The following KCNK2 variants were observed in gnomAD, a reference collection of about 807,000 sequenced individuals.
KCNK2 encodes potassium two pore domain channel subfamily K member 2.
In KCNK2, 21 loss-of-function variants were observed where a neutral mutation model predicts 40.5. That is an observed-to-expected ratio of 0.52 (90% CI 0.37 to 0.75). KCNK2 has a LOEUF of 0.75. Among genes scored for constraint, KCNK2 ranks in the 30% least tolerant of loss-of-function variants. The probability of loss-of-function intolerance (pLI) is 0.00; values close to 1 mark genes in which losing one functional copy is unlikely to be tolerated. For synonymous variants in KCNK2, 191 were observed against 202.2 expected (o/e 0.94, Z 0.47); for missense variants, 399 against 531.6 (o/e 0.75, Z 2.45).
chr1:215,063,210 T>G (rs1658420062), intron 1 of KCNK2, among the ~76,000 whole-genome samples: 1 of 152,162 alleles, frequency 6.6e-6, no homozygotes, highest in Non-Finnish European at 1.5e-5. Context: ...AATACAAAGC[T>G]GGAGAAACAT....
At chr1:215,057,491 T>C (rs1263427091) in intron 1 of KCNK2, among the ~76,000 whole-genome samples, 1 of 152,146 alleles carries the variant, frequency 6.6e-6, no homozygotes, top group Non-Finnish European at 1.5e-5. Flanking sequence ...CCTCAATCTG[T>C]ATCTGTACAT....
At chr1:215,159,786 C>T (rs1663113176) in intron 3 of KCNK2, among the ~76,000 whole-genome samples, 1 of 152,120 alleles carries the variant, frequency 6.6e-6, no homozygotes, top group South Asian at 2.1e-4. Context: ...AGTAACTTTT[C>T]AGTAGTGAAA....
At chr1:215,202,211 A>T (rs1395213849) in intron 6 of KCNK2, among the ~76,000 whole-genome samples, 1 of 152,210 alleles carries the variant, frequency 6.6e-6, no homozygotes, top group Admixed American at 6.5e-5. Flanking sequence ...GTTCAAACTA[A>T]GGAATACACA....
At chr1:215,092,186 A>G (rs555057665) in intron 2 of KCNK2, among the ~76,000 whole-genome samples, 1 of 152,208 alleles carries the variant, frequency 6.6e-6, no homozygotes, top group South Asian at 2.1e-4. Flanking sequence ...TTCTGGATGT[A>G]TTTTGGAAGG....
intron 1 of KCNK2, 46 bp downstream of exon 1, chr1:215,083,477 T>G (rs755999506): frequency 7.1e-7 from 1 of 1,409,204 alleles, no homozygotes; most frequent in Non-Finnish European, 1.0e-6. Flanking sequence ...CCGCACGCTC[T>G]CCTGCCCCAG....
At chr1:215,103,304 T>C (rs1287772795) in intron 2 of KCNK2, among the ~76,000 whole-genome samples, 1 of 151,962 alleles carries the variant, frequency 6.6e-6, no homozygotes, top group Non-Finnish European at 1.5e-5. Flanking sequence ...TTCTCATGCA[T>C]GGGCTCTTTG....
At chr1:215,117,512 G>A (rs1359830554) in intron 2 of KCNK2, among the ~76,000 whole-genome samples, 2 of 152,190 alleles carry the variant, frequency 1.3e-5, no homozygotes, top group South Asian at 4.1e-4. Flanking sequence ...ATATCATACT[G>A]CAGTGAAATT....
intron 3 of KCNK2, among the ~76,000 whole-genome samples, chr1:215,128,199 G>T (rs1661518162): frequency 6.6e-6 from 1 of 152,208 alleles, no homozygotes; most frequent in African/African-American, 2.4e-5. Context: ...TGACTGGAAA[G>T]AATTAGGAAT....
chr1:215,006,799 G>A (rs1011582488), intron 1 of KCNK2, among the ~76,000 whole-genome samples: 1 of 151,524 alleles, frequency 6.6e-6, no homozygotes, highest in African/African-American at 2.4e-5. Context: ...TTTTATGAAT[G>A]TATCTTTCAG....
intron 1 of KCNK2, among the ~76,000 whole-genome samples, chr1:215,033,116 T>C (rs1257973358): frequency 6.6e-6 from 1 of 151,982 alleles, no homozygotes; most frequent in Non-Finnish European, 1.5e-5. Flanking sequence ...CAGAAATTCT[T>C]TCCTCAGACA....
intron 3 of KCNK2, among the ~76,000 whole-genome samples, chr1:215,148,428 C>G (rs1324885152): frequency 6.6e-6 from 1 of 151,874 alleles, no homozygotes. Flanking sequence ...AATAATTTTG[C>G]TTTTCCTTGC....
At chr1:215,234,477 G>GA (rs1666794519) in intron 6 of KCNK2, among the ~76,000 whole-genome samples, 1 of 152,072 alleles carries the variant, frequency 6.6e-6, no homozygotes, top group Admixed American at 6.6e-5. Context: ...AGATACAAGT[G>GA]AAAAAAATAC....
intron 2 of KCNK2, among the ~76,000 whole-genome samples, chr1:215,094,868 A>G (rs1659911409): frequency 6.6e-6 from 1 of 152,086 alleles, no homozygotes; most frequent in Non-Finnish European, 1.5e-5. Flanking sequence ...TGGCTAGAAT[A>G]TTATTTGATA....
chr1:215,118,565 G>A (rs1475291454), intron 2 of KCNK2, among the ~76,000 whole-genome samples: 10 of 120,452 alleles, frequency 8.3e-5, no homozygotes, highest in Non-Finnish European at 1.8e-4. Flanking sequence ...AGAAATGGTC[G>A]CAAATAAAAA....
At chr1:215,158,230 G>T (rs899662186) in intron 3 of KCNK2, among the ~76,000 whole-genome samples, 2 of 152,196 alleles carry the variant, frequency 1.3e-5, no homozygotes, top group East Asian at 3.9e-4. Flanking sequence ...CAAGGGACTT[G>T]TCCCACATCC....
intron 1 of KCNK2, among the ~76,000 whole-genome samples, chr1:215,025,847 G>C (rs1339377967): frequency 6.6e-6 from 1 of 152,050 alleles, no homozygotes; most frequent in African/African-American, 2.4e-5. Context: ...ACTGGCAGCT[G>C]TATTTCTATG....
chr1:215,231,827 C>A (rs780001517), intron 6 of KCNK2, among the ~76,000 whole-genome samples: 9 of 152,086 alleles, frequency 5.9e-5, no homozygotes, highest in Non-Finnish European at 1.0e-4. Flanking sequence ...TGGTAGAAGG[C>A]AAAGGAAGAG....
At chr1:215,136,349 C>T (rs538506732) in intron 3 of KCNK2, among the ~76,000 whole-genome samples, 12 of 152,114 alleles carry the variant, frequency 7.9e-5, no homozygotes, top group African/African-American at 2.4e-4. Flanking sequence ...CACCCACCGT[C>T]GGCCTCTCAA....
intron 6 of KCNK2, among the ~76,000 whole-genome samples, chr1:215,209,489 A>AATATATATTATATATAATATATAT (rs1558140374): frequency 3.8e-5 from 1 of 26,434 alleles, no homozygotes; most frequent in South Asian, 9.8e-4. Flanking sequence ...TATATAATAC[A>AATATATATTATATATAATATATAT]TATATATAAT....
Sources: allele counts gnomAD v4.1 joint callset (sites outside exome capture counted in the v4.1 genomes callset), GRCh38; gene constraint gnomAD v4.1.1; transcripts MANE v1.5; gene names NCBI Gene and HGNC (gene_info 2026-07-23, HGNC 2026-07-21).